CHIC2: variants seen among roughly 807,000 people sequenced by gnomAD.
The protein encoded by CHIC2 is cysteine rich hydrophobic domain 2, also known as cysteine-rich hydrophobic domain-containing protein 2.
In CHIC2, 14 loss-of-function variants were observed where a neutral mutation model predicts 25.9. That is an observed-to-expected ratio of 0.54 (90% confidence interval 0.36 to 0.85). The LOEUF (loss-of-function observed/expected upper bound fraction) is 0.85. Ranked by LOEUF, CHIC2 falls within the 40% of genes least tolerant of loss-of-function variation. The probability of loss-of-function intolerance (pLI) is 0.01; values close to 1 mark genes in which losing one functional copy is unlikely to be tolerated. For synonymous variants in CHIC2, 70 were observed against 72.0 expected (o/e 0.97, Z 0.14); for missense variants, 146 against 202.0 (o/e 0.72, Z 1.68).
the CHIC2 span, among the ~76,000 whole-genome samples, chr4:54,082,448 C>G: frequency 6.6e-6 from 1 of 152,056 alleles, no homozygotes; most frequent in Non-Finnish European, 1.5e-5. Context: ...CAGAAAACAT[C>G]TACGGTCTAC....
chr4:54,030,555 TACACACACAC>T (rs201490639), intron 3 of CHIC2, among the ~76,000 whole-genome samples: 4 of 92,206 alleles, frequency 4.3e-5, no homozygotes, highest in Non-Finnish European at 8.8e-5. Flanking sequence ...TATATATGTA[TACACACACAC>T]ACACACACAT....
intron 3 of CHIC2, among the ~76,000 whole-genome samples, chr4:54,023,111 C>A (rs989253759): frequency 6.6e-6 from 1 of 152,106 alleles, no homozygotes; most frequent in Admixed American, 6.6e-5. Flanking sequence ...TTAAAAACAG[C>A]CCTAGAAGCT....
At chr4:54,090,953 G>A in the CHIC2 span, among the ~76,000 whole-genome samples, 2 of 151,860 alleles carry the variant, frequency 1.3e-5, no homozygotes, top group Non-Finnish European at 2.9e-5. Context: ...ATTAATAAAA[G>A]GCCCAGTGGA....
chr4:54,038,775 A>C (rs1488302016), intron 3 of CHIC2, among the ~76,000 whole-genome samples: 1 of 152,190 alleles, frequency 6.6e-6, no homozygotes, highest in Non-Finnish European at 1.5e-5. Flanking sequence ...TAATTCCAGC[A>C]CTTTGGGAGG....
At chr4:54,068,898 A>G (rs1281619885), upstream of CHIC2, among the ~76,000 whole-genome samples, 1 of 152,232 alleles carries the variant, frequency 6.6e-6, no homozygotes, top group Non-Finnish European at 1.5e-5. Flanking sequence ...TGGGGTTCCC[A>G]CAACACCCTC....
chr4:54,089,392 C>CATATATATATAT, the CHIC2 span, among the ~76,000 whole-genome samples: 61 of 145,194 alleles, frequency 4.2e-4, no homozygotes, highest in African/African-American at 1.5e-3. Flanking sequence ...CACCACATTC[C>CATATATATATAT]ATATATATAT....
intron 3 of CHIC2, among the ~76,000 whole-genome samples, chr4:54,031,415 C>T (rs1238265964): frequency 6.6e-6 from 1 of 151,896 alleles, no homozygotes; most frequent in Non-Finnish European, 1.5e-5. Context: ...ATTTTAAAGG[C>T]CAGATGAATA....
At chr4:54,031,611 CTTTTTTTT>C (rs1037563282) in intron 3 of CHIC2, among the ~76,000 whole-genome samples, 1 of 103,410 alleles carries the variant, frequency 9.7e-6, no homozygotes, top group Non-Finnish European at 1.8e-5. Context: ...GATGTACTTG[CTTTTTTTT>C]TTTTTTTTTT....
chr4:54,087,272 A>G, the CHIC2 span: 1 of 588,692 alleles, frequency 1.7e-6, no homozygotes, highest in Non-Finnish European at 3.0e-6. Context: ...ATTTAAGAAC[A>G]GAATGGAAGT....
chr4:54,025,854 CAAAA>C (rs66736321), intron 3 of CHIC2, among the ~76,000 whole-genome samples: 1 of 109,784 alleles, frequency 9.1e-6, no homozygotes, highest in Non-Finnish European at 1.8e-5. Context: ...GACCCTGTCT[CAAAA>C]AAAAAAAAAA....
At chr4:54,081,170 T>C in the CHIC2 span, among the ~76,000 whole-genome samples, 1 of 151,690 alleles carries the variant, frequency 6.6e-6, no homozygotes, top group Admixed American at 6.6e-5. Flanking sequence ...CTTTTCTTTT[T>C]TCAGAGACAG....
chr4:54,034,202 C>T lies in CHIC2; in HGVS notation c.330+14753G>A, dbSNP rs116307859. On this transcript the variant is annotated intron_variant, in intron 3 of 5. Coordinates refer to ENST00000263921, the MANE Select transcript of CHIC2 (RefSeq NM_012110.4). ...GACAGATCACCTCAGGTCGGGGGTT[C>T]GAGACCAGCCTGACCAATATCAAGA... Among the ~76,000 whole-genome samples, 1,423 of 151,976 alleles carry T rather than the reference C, an allele frequency of 9.4e-3. 19 individuals are homozygous for T. Among genetic ancestry groups the T allele is most frequent in the African/African-American group, 0.032 (1,325 of 41,462 alleles).
intron 5 of CHIC2, among the ~76,000 whole-genome samples, chr4:54,010,424 G>T (rs1461320360): frequency 6.6e-6 from 1 of 152,020 alleles, no homozygotes; most frequent in Admixed American, 6.6e-5. Context: ...GGGTGATATA[G>T]ATAGTGCCCC....
intron 3 of CHIC2, among the ~76,000 whole-genome samples, chr4:54,041,650 T>C (rs1365617465): frequency 6.6e-6 from 1 of 152,194 alleles, no homozygotes; most frequent in Non-Finnish European, 1.5e-5. Flanking sequence ...TTTTCTAGTA[T>C]TTTGATAACT....
At chr4:54,021,920 G>C (rs1258805928) in intron 3 of CHIC2, among the ~76,000 whole-genome samples, 1 of 152,088 alleles carries the variant, frequency 6.6e-6, no homozygotes, top group Non-Finnish European at 1.5e-5. Context: ...TACAATAATA[G>C]AGTAGAGGCA....
chr4:54,015,733 G>A (rs1330062546), intron 3 of CHIC2, among the ~76,000 whole-genome samples: 1 of 152,152 alleles, frequency 6.6e-6, no homozygotes, highest in Non-Finnish European at 1.5e-5. Context: ...AGCACTGAAT[G>A]TCTCGTCAAT....
At chr4:54,070,597 A>G in the CHIC2 span, among the ~76,000 whole-genome samples, 1 of 151,876 alleles carries the variant, frequency 6.6e-6, no homozygotes, top group South Asian at 2.1e-4. Flanking sequence ...TGATTTTTGT[A>G]TTTTTAGTAG....
chr4:54,047,543 G>T (rs577504990), intron 3 of CHIC2, among the ~76,000 whole-genome samples: 270 of 150,356 alleles, frequency 1.8e-3, no homozygotes, highest in Non-Finnish European at 2.9e-3. Context: ...GCAAACTATC[G>T]CAAGGACAAA....
chr4:54,079,317 A>T, the CHIC2 span, among the ~76,000 whole-genome samples: 1 of 152,198 alleles, frequency 6.6e-6, no homozygotes, highest in Non-Finnish European at 1.5e-5. Flanking sequence ...CTCCTAGAAC[A>T]AAAAATAGGG....
Sources: allele counts gnomAD v4.1 joint callset (sites outside exome capture counted in the v4.1 genomes callset), GRCh38; gene constraint gnomAD v4.1.1; transcripts MANE v1.5; gene names NCBI Gene and HGNC (gene_info 2026-07-23, HGNC 2026-07-21).